SRFBP1: variants seen among roughly 807,000 people sequenced by gnomAD.
The protein encoded by SRFBP1 is serum response factor-binding protein 1.
SRFBP1 carries 47 observed loss-of-function variants against 45.5 expected under a neutral mutation model. That is an observed-to-expected ratio of 1.03 (90% CI 0.82 to 1.32). The LOEUF is 1.32. Among genes scored for constraint, SRFBP1 ranks in the 40% most tolerant of loss-of-function variants. The pLI is 0.00. For missense variants in SRFBP1, 621 were observed against 484.6 expected (o/e 1.28, Z -2.64); for synonymous variants, 203 against 166.3 (o/e 1.22, Z -1.70).
chr5:122,003,467 A>G (rs1344516045), intron 4 of SRFBP1, among the ~76,000 whole-genome samples: 1 of 152,234 alleles, frequency 6.6e-6, no homozygotes, highest in Non-Finnish European at 1.5e-5. Context: ...ATATGGCACA[A>G]TATATTTGTT....
chr5:122,054,808 A>G (rs959175385), intron 2 of SRFBP1, among the ~76,000 whole-genome samples: 8 of 152,166 alleles, frequency 5.3e-5, no homozygotes, highest in African/African-American at 1.9e-4. Flanking sequence ...TAAATTGCAT[A>G]TTTTGACCCC....
chr5:122,032,817 G>A (rs1489331270), downstream of SRFBP1, among the ~76,000 whole-genome samples: 1 of 152,220 alleles, frequency 6.6e-6, no homozygotes, highest in Non-Finnish European at 1.5e-5. Context: ...TGTTGTGTCA[G>A]AATGTAAATG....
chr5:121,983,497 A>C (rs1752454236), intron 3 of SRFBP1, among the ~76,000 whole-genome samples: 1 of 151,810 alleles, frequency 6.6e-6, no homozygotes, highest in South Asian at 2.1e-4. Flanking sequence ...TTTTCTAAAA[A>C]GTATTTCACT....
chr5:121,986,512 G>A (rs959060332), intron 3 of SRFBP1, among the ~76,000 whole-genome samples: 2 of 152,094 alleles, frequency 1.3e-5, no homozygotes, highest in East Asian at 1.9e-4. Context: ...TATTAATAGG[G>A]CCTTATTTTA....
At chr5:122,049,685 C>T (rs1000467968) in intron 2 of SRFBP1, among the ~76,000 whole-genome samples, 1 of 152,124 alleles carries the variant, frequency 6.6e-6, no homozygotes. Flanking sequence ...TCTCTCAGAC[C>T]ACAGTGCAAT....
chr5:122,076,442 G>A (rs953328267), downstream of SRFBP1, among the ~76,000 whole-genome samples: 1 of 152,138 alleles, frequency 6.6e-6, no homozygotes, highest in Non-Finnish European at 1.5e-5. Flanking sequence ...CAAGTTCATC[G>A]TGGTCTCAAA....
intron 2 of SRFBP1, among the ~76,000 whole-genome samples, chr5:122,052,725 C>G (rs1045324130): frequency 1.3e-5 from 2 of 152,148 alleles, no homozygotes; most frequent in African/African-American, 4.8e-5. Context: ...TCATTACTAT[C>G]CATATTCTTA....
At position 122,028,054 on chromosome 5, in the gene SRFBP1, A is replaced by T. The variant is rs1753524424; in HGVS notation, c.*928A>T. The stretch of plus-strand genomic sequence containing the variant: ...ATTTCCACTGATGGCTAAGCAAAGA[A>T]GTTGTAAGATGACTCACTGAGGAAG... On this transcript the variant is annotated 3_prime_UTR_variant, in exon 8 of 8. Transcript: ENST00000339397. The T allele has an allele frequency of 6.6e-6, 1 of 152,226 alleles. No individual in the cohort carries two copies. Among genetic ancestry groups the T allele is most frequent in the Non-Finnish European group, 1.5e-5 (1 of 68,038 alleles). The allele number at this position is 152,226 out of a possible 1,614,324, so 9.4% of individuals were successfully genotyped here. A position where few individuals can be genotyped will look rare whatever the true frequency, so the allele number is the denominator to read the frequency against.
At position 122,028,561 on chromosome 5, in the gene SRFBP1, T is replaced by G. The variant is rs1002293530; in HGVS notation, c.*1435T>G. Reference sequence around the variant, plus strand: ...GGTGGAGGTTGCAGTGAGCCAAGATTGCACCACTGCACTCCAGCCTGGGTG... The same window carrying G: ...GGTGGAGGTTGCAGTGAGCCAAGATGGCACCACTGCACTCCAGCCTGGGTG... On this transcript the variant is annotated 3_prime_UTR_variant, in exon 8 of 8. Coordinates refer to ENST00000339397, the MANE Select transcript of SRFBP1 (RefSeq NM_152546.3). The G allele has an allele frequency of 1.3e-5, 2 of 151,086 alleles. No homozygotes were observed. Among genetic ancestry groups the G allele is most frequent in the Admixed American group, 1.3e-4 (2 of 15,162 alleles). The allele number at this position is 151,086 out of a possible 1,614,324, so 9.4% of individuals were successfully genotyped here.
intron 4 of SRFBP1, among the ~76,000 whole-genome samples, chr5:122,006,592 T>G (rs763227347): frequency 1.3e-5 from 2 of 152,168 alleles, no homozygotes; most frequent in Non-Finnish European, 2.9e-5. Flanking sequence ...CTTTTCATTC[T>G]TTTTTCTAAT....
At position 121,961,993 on chromosome 5, in the gene SRFBP1, T is replaced by G; in HGVS notation, c.-40T>G. 1 of 1,613,626 alleles carries G rather than the reference T, an allele frequency of 6.2e-7. No individual in the cohort carries two copies. Among genetic ancestry groups the G allele is most frequent in the African/African-American group, 1.3e-5 (1 of 74,956 alleles). The stretch of plus-strand genomic sequence containing the variant: ...CGCAGCCGCGGTCTGAGAGACCGGT[T>G]CACGTGCAGGCAGCGGCGGATCATA... On this transcript the variant is annotated 5_prime_UTR_variant, in exon 1 of 8. Transcript: ENST00000339397.
intron 6 of SRFBP1, 103 bp from the exon 7 acceptor site, chr5:122,022,267 A>C (rs1161109892): frequency 4.6e-6 from 4 of 877,946 alleles, no homozygotes; most frequent in South Asian, 3.2e-5. Context: ...TAAGGAGTAT[A>C]GTGGCCCTTT....
intron 2 of SRFBP1, among the ~76,000 whole-genome samples, chr5:122,048,334 T>C (rs920660415): frequency 1.3e-5 from 2 of 152,238 alleles, no homozygotes; most frequent in African/African-American, 4.8e-5. Context: ...TCTGTTTATA[T>C]GCTGGATTCC....
intron 1 of SRFBP1, among the ~76,000 whole-genome samples, chr5:121,962,683 C>T (rs925163981): frequency 6.6e-6 from 1 of 152,154 alleles, no homozygotes; most frequent in Non-Finnish European, 1.5e-5. Context: ...TTCTCACCAC[C>T]GTCACTTCCA....
intron 3 of SRFBP1, among the ~76,000 whole-genome samples, chr5:121,980,133 C>T (rs1752379126): frequency 6.6e-6 from 1 of 152,162 alleles, no homozygotes; most frequent in Admixed American, 6.6e-5. Context: ...TCTTCCCTCC[C>T]TGATGTGTAA....
intron 4 of SRFBP1, among the ~76,000 whole-genome samples, chr5:122,014,911 A>T (rs1753166801): frequency 6.6e-6 from 1 of 152,324 alleles, no homozygotes; most frequent in Admixed American, 6.5e-5. Flanking sequence ...AGGGATTTGG[A>T]AACAGCAGTA....
chr5:122,074,319 G>A (rs1412126500), intron 2 of SRFBP1: 1 of 642,328 alleles, frequency 1.6e-6, no homozygotes, highest in African/African-American at 1.8e-5. Flanking sequence ...TTCATGCTAG[G>A]GTTTTTTTTT....
In SRFBP1 at chr5:122,046,196, C is replaced by G. The variant is rs1034443637; in HGVS notation, n.311+23789C>G. ...ATATCTCCTAATGCTATCCCTCCAC[C>G]CCCCCTCACCCCACAACAGGCCCCA... On this transcript the variant is annotated intron_variant and non_coding_transcript_variant, in intron 2 of 2. Coordinates refer to the SRFBP1 transcript ENST00000504881. Among the ~76,000 whole-genome samples, 8 of 152,000 alleles carry G rather than the reference C, an allele frequency of 5.3e-5. No individual in the cohort carries two copies. In the South Asian group the frequency reaches 8.3e-4, roughly 16 times the overall value.
At chr5:121,988,288 C>T (rs1011531709) in intron 3 of SRFBP1, among the ~76,000 whole-genome samples, 1 of 152,128 alleles carries the variant, frequency 6.6e-6, no homozygotes, top group Non-Finnish European at 1.5e-5. Context: ...TTTCTTGGGT[C>T]ATGATTTCCT....
Sources: allele counts gnomAD v4.1 joint callset (sites outside exome capture counted in the v4.1 genomes callset), GRCh38; gene constraint gnomAD v4.1.1; transcripts MANE v1.5; gene names NCBI Gene and HGNC (gene_info 2026-07-23, HGNC 2026-07-21).